The following TNIK variants were observed in gnomAD, a reference collection of about 807,000 sequenced individuals.
TNIK encodes the protein TRAF2 and NCK interacting kinase, also known as TRAF2 and NCK-interacting protein kinase.
In TNIK, 49 loss-of-function variants were observed where a neutral mutation model predicts 191.3. That is an observed-to-expected ratio of 0.26 (90% CI 0.20 to 0.32). The LOEUF (loss-of-function observed/expected upper bound fraction) is 0.32. Among genes scored for constraint, TNIK ranks in the 10% least tolerant of loss-of-function variants. The pLI is 1.00. For synonymous variants in TNIK, 594 were observed against 600.9 expected (o/e 0.99, Z 0.17); for missense variants, 1,155 against 1,702.3 (o/e 0.68, Z 5.66).
intron 2 of TNIK, among the ~76,000 whole-genome samples, chr3:171,314,275 C>T (rs1754358050): frequency 6.6e-6 from 1 of 152,158 alleles, no homozygotes; most frequent in African/African-American, 2.4e-5. Context: ...CCTCTATACT[C>T]AGAGCCACAG....
intron 14 of TNIK, among the ~76,000 whole-genome samples, chr3:171,138,774 T>G (rs2108625738): frequency 6.6e-6 from 1 of 152,230 alleles, no homozygotes; most frequent in East Asian, 1.9e-4. Flanking sequence ...ACATGTACAA[T>G]TAAGTACAAA....
chr3:171,333,885 C>T (rs548029162), intron 2 of TNIK, among the ~76,000 whole-genome samples: 1 of 152,318 alleles, frequency 6.6e-6, no homozygotes, highest in South Asian at 2.1e-4. Context: ...TCTCCAACTG[C>T]GTATTTGTCT....
chr3:171,189,367 A>G (rs1488240147), intron 6 of TNIK, among the ~76,000 whole-genome samples: 1 of 152,148 alleles, frequency 6.6e-6, no homozygotes, highest in South Asian at 2.1e-4. Flanking sequence ...TATATTGTGA[A>G]TATGTTTTTA....
intron 1 of TNIK, among the ~76,000 whole-genome samples, chr3:171,447,533 T>A (rs1326954432): frequency 6.6e-6 from 1 of 152,228 alleles, no homozygotes; most frequent in African/African-American, 2.4e-5. Context: ...GCTATGTGAG[T>A]CACTATTGGC....
chr3:171,126,127 A>T lies in TNIK; in HGVS notation c.1798T>A (p.Ser600Thr), dbSNP rs77479465. The T allele has an allele frequency of 1.9e-6, 3 of 1,551,122 alleles. No individual in the cohort carries two copies. In the South Asian group the frequency reaches 3.7e-5, roughly 19 times the overall value. The part of the protein sequence containing the change: ...PQIPHLVAVK[S>T]QGPALTASQS... ...GAGGCGGTCAAGGCAGGTCCCTGGG[A>T]TTTTACAGCTACCAGATGTGGGATC... The change falls in exon 17 of 33, where the codon TCC becomes ACC. Residue 600 changes from serine (S) to threonine (T), a missense_variant. Ser to Thr is a moderately conservative substitution (Grantham distance 58). Transcript: ENST00000436636.
rs1187382394 is a variant in TNIK, at chr3:171,060,064, A to G, written c.*3817T>C. Among the ~76,000 whole-genome samples, 1 of 152,142 alleles carries G rather than the reference A, an allele frequency of 6.6e-6. No individual in the cohort carries two copies. Among genetic ancestry groups the G allele is most frequent in the Middle Eastern group, 3.2e-3 (1 of 316 alleles). ...TGTAGCACATCTTACATCTTAAAGC[A>G]ATCAGCACAAATGCAAGTGATGCCT... On this transcript the variant is annotated 3_prime_UTR_variant, in exon 33 of 33. Coordinates refer to ENST00000436636, the MANE Select transcript of TNIK (RefSeq NM_015028.4).
At chr3:171,355,380 T>G (rs568980001) in intron 2 of TNIK, among the ~76,000 whole-genome samples, 26 of 152,338 alleles carry the variant, frequency 1.7e-4, no homozygotes, top group African/African-American at 6.3e-4. Context: ...TGTCTCTTCA[T>G]AAGTTCACAA....
intron 28 of TNIK, among the ~76,000 whole-genome samples, chr3:171,074,650 A>G (rs1719660985): frequency 6.6e-6 from 1 of 152,248 alleles, no homozygotes; most frequent in Non-Finnish European, 1.5e-5. Context: ...ATATAGGCTC[A>G]GATAAATCAA....
At chr3:171,155,908 G>T (rs575365115) in intron 12 of TNIK, among the ~76,000 whole-genome samples, 4 of 152,116 alleles carry the variant, frequency 2.6e-5, no homozygotes, top group Non-Finnish European at 4.4e-5. Context: ...TCTGAAACCC[G>T]GTTTTCTTCT....
intron 2 of TNIK, among the ~76,000 whole-genome samples, chr3:171,353,574 A>G (rs1713546790): frequency 6.6e-6 from 1 of 152,192 alleles, no homozygotes; most frequent in Admixed American, 6.6e-5. Flanking sequence ...ACAAGTAAAG[A>G]CAAGAACTGC....
chr3:171,061,559 A>T lies in TNIK; in HGVS notation c.*2322T>A, dbSNP rs1264387050. ...TGTACCCAAAATCCCACAATAAAAA[A>T]ATCATTTAAAGCTGTGTGTTTCAAA... On this transcript the variant is annotated 3_prime_UTR_variant, in exon 33 of 33. Coordinates refer to ENST00000436636, the MANE Select transcript of TNIK (RefSeq NM_015028.4). 1 of 152,236 alleles carries T rather than the reference A, an allele frequency of 6.6e-6. No individual in the cohort carries two copies. The highest frequency in any genetic ancestry group is 1.5e-5 in the Non-Finnish European group (1 of 68,030). The allele number at this position is 152,236 out of a possible 1,614,324, so 9.4% of individuals were successfully genotyped here. A position where few individuals can be genotyped will look rare whatever the true frequency, so the allele number is the denominator to read the frequency against.
chr3:171,285,519 C>T (rs1750915226), intron 2 of TNIK, among the ~76,000 whole-genome samples: 1 of 152,212 alleles, frequency 6.6e-6, no homozygotes, highest in Non-Finnish European at 1.5e-5. Flanking sequence ...TTAATTGACA[C>T]TCAGGACTGT....
At position 171,137,977 on chromosome 3, in the gene TNIK, AAAAAAAAC is replaced by A. The variant is rs572498222; in HGVS notation, c.1608+206_1608+213del. On this transcript the variant is annotated intron_variant, in intron 15 of 32. Coordinates refer to ENST00000436636, the MANE Select transcript of TNIK (RefSeq NM_015028.4). ...CAACCACAAAGATATACAAAAAAAAAAAAAAAACAAAAACAAAACCTCACAAATGAAGG... is the reference window on the plus strand; with the variant it reads ...CAACCACAAAGATATACAAAAAAAAAAAAAACAAAACCTCACAAATGAAGG... 2.4e-3 allele frequency among the ~76,000 whole-genome samples: 360 copies of A among 150,494 alleles called. 1 individual carries two copies. The highest frequency in any genetic ancestry group is 6.1e-3 in the African/African-American group (246 of 40,412).
intron 12 of TNIK, among the ~76,000 whole-genome samples, chr3:171,141,478 T>C (rs1440651310): frequency 6.6e-6 from 1 of 152,154 alleles, no homozygotes; most frequent in Non-Finnish European, 1.5e-5. Flanking sequence ...GGAGAACATT[T>C]TAGAAGTTAG....
At chr3:171,398,792 G>A (rs911385091) in intron 1 of TNIK, among the ~76,000 whole-genome samples, 5 of 152,094 alleles carry the variant, frequency 3.3e-5, no homozygotes, top group Admixed American at 6.5e-5. Flanking sequence ...TGTAACCATC[G>A]CAAGTCTGCA....
chr3:171,107,166 GA>G lies in TNIK; in HGVS notation c.2406+16del, dbSNP rs1404574483. The G allele has an allele frequency of 6.2e-7, 1 of 1,607,930 alleles. No homozygotes were observed. The highest frequency in any genetic ancestry group is 8.5e-7 in the Non-Finnish European group (1 of 1,178,088). ...TTACATTTTGTGAAAGCATGACCAAGAAAAGGTAATACTAACCTCATCTATA... is the reference window on the plus strand; with the variant it reads ...TTACATTTTGTGAAAGCATGACCAAGAAAGGTAATACTAACCTCATCTATA... On this transcript the variant is annotated intron_variant, in intron 21 of 32. Coordinates refer to ENST00000436636, the MANE Select transcript of TNIK (RefSeq NM_015028.4).
chr3:171,144,795 G>A (rs1731309541), intron 12 of TNIK, among the ~76,000 whole-genome samples: 1 of 152,114 alleles, frequency 6.6e-6, no homozygotes, highest in African/African-American at 2.4e-5. Flanking sequence ...GGTAACCACT[G>A]TTCTACTCTT....
At chr3:171,268,883 G>A (rs1560347793) in intron 2 of TNIK, among the ~76,000 whole-genome samples, 1 of 152,126 alleles carries the variant, frequency 6.6e-6, no homozygotes, top group African/African-American at 2.4e-5. Context: ...CAAAACAACG[G>A]CTGCTACATG....
chr3:171,109,784 C>G (rs1725562253), intron 19 of TNIK, among the ~76,000 whole-genome samples: 3 of 152,140 alleles, frequency 2.0e-5, no homozygotes, highest in Admixed American at 6.5e-5. Context: ...TGTATCAGCA[C>G]CTGGAAATAA....
Sources: allele counts gnomAD v4.1 joint callset (sites outside exome capture counted in the v4.1 genomes callset), GRCh38; gene constraint gnomAD v4.1.1; transcripts MANE v1.5; gene names NCBI Gene and HGNC (gene_info 2026-07-23, HGNC 2026-07-21).